ANK2: variants seen among roughly 807,000 people sequenced by gnomAD.
ANK2 encodes ankyrin 2.
ANK2 carries 83 observed loss-of-function variants against 360.5 expected under a neutral mutation model. The ratio of observed to expected loss-of-function variants is 0.23; its 90% CI spans 0.19 to 0.28. The LOEUF (loss-of-function observed/expected upper bound fraction) is 0.28, where lower values mean the gene tolerates loss of function less well. Among genes scored for constraint, ANK2 ranks in the 10% least tolerant of loss-of-function variants. The pLI is 1.00. For missense variants in ANK2, 4,201 were observed against 4,795.7 expected (o/e 0.88, Z 3.66); for synonymous variants, 1,740 against 1,759.5 (o/e 0.99, Z 0.28).
chr4:112,822,907 A>G (rs1409154280), intron 1 of ANK2, among the ~76,000 whole-genome samples: 1 of 152,192 alleles, frequency 6.6e-6, no homozygotes, highest in African/African-American at 2.4e-5. Context: ...GAACAAATAT[A>G]TAGAACATTG....
intron 45 of ANK2, among the ~76,000 whole-genome samples, chr4:113,373,991 C>T (rs2096836616): frequency 6.6e-6 from 1 of 152,236 alleles, no homozygotes. Context: ...GTGGCGTGAT[C>T]TGAGCTCACT....
chr4:113,164,353 A>G (rs1171804534), intron 1 of ANK2, among the ~76,000 whole-genome samples: 1 of 152,270 alleles, frequency 6.6e-6, no homozygotes, highest in Non-Finnish European at 1.5e-5. Flanking sequence ...AAAATGTACC[A>G]TGATAGAAAA....
intron 1 of ANK2, among the ~76,000 whole-genome samples, chr4:113,137,958 G>T (rs116047660): frequency 0.021 from 3,137 of 152,228 alleles, 100 homozygotes; most frequent in African/African-American, 0.071. Flanking sequence ...ATTTATGACT[G>T]TATTTCTGGA....
At chr4:112,909,348 A>T (rs2086310992) in intron 2 of ANK2, among the ~76,000 whole-genome samples, 1 of 152,238 alleles carries the variant, frequency 6.6e-6, no homozygotes, top group East Asian at 1.9e-4. Context: ...TGAAGAACAT[A>T]CATAATTGGG....
intron 1 of ANK2, among the ~76,000 whole-genome samples, chr4:113,148,573 G>T (rs1337397271): frequency 6.6e-6 from 1 of 152,160 alleles, no homozygotes; most frequent in East Asian, 1.9e-4. Flanking sequence ...CCATGAGCAT[G>T]AATTCTGGTC....
rs794727664 is a variant in ANK2 at position 113,365,160 on chromosome 4, C to T, written c.11010C>T (p.Thr3670=). The change falls in exon 41 of 46, where the codon ACC becomes ACT. Residue 3670 remains threonine (T), a synonymous_variant. Coordinates refer to ENST00000357077, the MANE Select transcript of ANK2 (RefSeq NM_001148.6). ...ATAGTTATGCAGAAATTGAACAGACCATTACACTGGATCATAGTGAAGGTC... is the reference window on the plus strand; with the variant it reads ...ATAGTTATGCAGAAATTGAACAGACTATTACACTGGATCATAGTGAAGGTC... ...ISHSYAEIEQ[T]ITLDHSEGFS... is the part of the protein sequence containing the mutation. 1.2e-6 allele frequency: 2 copies of T among 1,612,806 alleles called. No homozygotes were observed. The highest frequency in any genetic ancestry group is 3.3e-5 in the Admixed American group (2 of 59,896).
Position 113,287,682 on chromosome 4 carries a change from T to C in ANK2, c.2157T>C (p.Ala719=). The stretch of plus-strand genomic sequence containing the variant: ...CTGATATTCTCACCAAGCATGGAGC[T>C]GATCAGGATGCTCATACAAAGGTAA... ...NVADILTKHG[A]DQDAHTKLGY... Residue 719 remains alanine (A), a synonymous_variant, in exon 19 of 46, where the codon GCT becomes GCC. Transcript: ENST00000357077. 6.2e-7 allele frequency: 1 copy of C among 1,612,278 alleles called. No homozygotes were observed.
intron 2 of ANK2, among the ~76,000 whole-genome samples, chr4:112,968,290 T>C (rs1181707455): frequency 6.6e-6 from 1 of 152,214 alleles, no homozygotes; most frequent in African/African-American, 2.4e-5. Flanking sequence ...CTTTCAGATG[T>C]TGGGTCTCTG....
the ANK2 span, among the ~76,000 whole-genome samples, chr4:112,763,218 C>T: frequency 3.4e-5 from 5 of 146,736 alleles, no homozygotes; most frequent in South Asian, 6.7e-4. Flanking sequence ...AGCCACCACA[C>T]CTGGCTAATT....
intron 1 of ANK2, among the ~76,000 whole-genome samples, chr4:112,861,018 A>T (rs1560828169): frequency 2.0e-5 from 3 of 152,252 alleles, no homozygotes; most frequent in Admixed American, 6.5e-5. Flanking sequence ...CATGAAAGCC[A>T]TGCATAAATC....
chr4:113,006,883 T>C (rs532668816), intron 2 of ANK2, among the ~76,000 whole-genome samples: 2 of 151,612 alleles, frequency 1.3e-5, no homozygotes, highest in African/African-American at 4.8e-5. Flanking sequence ...TTGTCATGAA[T>C]CCATTATGAA....
Position 113,107,609 on chromosome 4 carries a change from A to G in ANK2, c.84+57797A>G, listed in dbSNP as rs193277969. On this transcript the variant is annotated intron_variant, in intron 1 of 45. Transcript: ENST00000357077. ...AAAGTGATCAGCAATCTCTTTGCACACACACTATCTCTGGGGATGAGTCTA... is the reference window on the plus strand; with the variant it reads ...AAAGTGATCAGCAATCTCTTTGCACGCACACTATCTCTGGGGATGAGTCTA... 3.9e-5 allele frequency among the ~76,000 whole-genome samples: 6 copies of G among 152,328 alleles called. No homozygotes were observed. In the East Asian group the frequency reaches 1.2e-3, roughly 29 times the overall value.
chr4:113,057,365 T>C (rs1043177083), intron 1 of ANK2, among the ~76,000 whole-genome samples: 1 of 152,144 alleles, frequency 6.6e-6, no homozygotes, highest in African/African-American at 2.4e-5. Flanking sequence ...TTATGGCTAA[T>C]GTGTGAGTAT....
chr4:113,274,410 C>T (rs2059536822), intron 14 of ANK2, 42 bp from the exon 15 acceptor site: 1 of 1,593,482 alleles, frequency 6.3e-7, no homozygotes, highest in Non-Finnish European at 8.6e-7. Context: ...CAGTGAAGTT[C>T]TGTCTGCCCG....
chr4:113,192,900 C>G (rs1272936726), intron 2 of ANK2, among the ~76,000 whole-genome samples: 1 of 144,472 alleles, frequency 6.9e-6, no homozygotes, highest in African/African-American at 2.6e-5. Context: ...GTGTCATTCT[C>G]TATATTTTAG....
intron 38 of ANK2, among the ~76,000 whole-genome samples, chr4:113,360,033 G>C (rs934806997): frequency 2.0e-5 from 3 of 152,286 alleles, no homozygotes; most frequent in African/African-American, 7.2e-5. Context: ...GCTTTGAAAA[G>C]TAGCCTGTGT....
At chr4:113,037,934 T>C (rs1166889796) in intron 2 of ANK2, among the ~76,000 whole-genome samples, 1 of 152,060 alleles carries the variant, frequency 6.6e-6, no homozygotes, top group Non-Finnish European at 1.5e-5. Context: ...TAAACTTTCT[T>C]CCAACTCTAT....
intron 1 of ANK2, among the ~76,000 whole-genome samples, chr4:112,899,558 A>G (rs145944250): frequency 9.8e-4 from 149 of 152,306 alleles, no homozygotes; most frequent in African/African-American, 3.2e-3. Context: ...AACAGAATGA[A>G]CTATTTTATG....
intron 18 of ANK2, 28 bp downstream of exon 18, chr4:113,282,900 AG>A (rs761011388): frequency 1.9e-6 from 3 of 1,611,598 alleles, no homozygotes; most frequent in Admixed American, 3.3e-5. Context: ...GCATCAATCA[AG>A]AGTGTTTTGG....
Sources: allele counts gnomAD v4.1 joint callset (sites outside exome capture counted in the v4.1 genomes callset), GRCh38; gene constraint gnomAD v4.1.1; transcripts MANE v1.5; gene names NCBI Gene and HGNC (gene_info 2026-07-23, HGNC 2026-07-21).